DMRT1: variants seen among roughly 807,000 people sequenced by gnomAD.
The protein encoded by DMRT1 is doublesex and mab-3 related transcription factor 1.
A neutral mutation model predicts 32.3 loss-of-function variants in DMRT1; 7 were observed. The ratio of observed to expected loss-of-function variants is 0.22; its 90% CI spans 0.12 to 0.41. DMRT1 has a LOEUF of 0.41. Among genes scored for constraint, DMRT1 ranks in the 10% least tolerant of loss-of-function variants. The probability of loss-of-function intolerance (pLI) is 1.00; values close to 1 mark genes in which losing one functional copy is unlikely to be tolerated. For missense variants in DMRT1, 625 were observed against 500.5 expected, an observed-to-expected ratio of 1.25 and a Z score of -2.37; for synonymous variants, 278 against 206.1, an observed-to-expected ratio of 1.35 and a Z score of -2.99.
At chr9:911,641 T>C (rs550817457) in intron 3 of DMRT1, among the ~76,000 whole-genome samples, 1 of 152,002 alleles carries the variant, frequency 6.6e-6, no homozygotes, top group African/African-American at 2.4e-5. Flanking sequence ...TATAGGCGCC[T>C]GCCACCACAC....
At chr9:880,324 CTT>C (rs1816680778) in intron 2 of DMRT1, among the ~76,000 whole-genome samples, 1 of 146,728 alleles carries the variant, frequency 6.8e-6, no homozygotes, top group Non-Finnish European at 1.5e-5. Flanking sequence ...TCAAGTTACT[CTT>C]TCTTTCTGCT....
Position 945,720 on chromosome 9 carries a change from T to G in DMRT1, c.968-22265T>G, listed in dbSNP as rs10977683. Among the ~76,000 whole-genome samples the G allele has an allele frequency of 6.9e-3, 1,043 of 150,154 alleles. 10 individuals carry two copies. Among genetic ancestry groups the G allele is most frequent in the East Asian group, 0.046 (235 of 5,142 alleles). On this transcript the variant is annotated intron_variant, in intron 4 of 4. Coordinates refer to ENST00000382276, the MANE Select transcript of DMRT1 (RefSeq NM_021951.3). ...TCTCTGTAGTTCCTGATGAGTTGCT[T>G]TTTTAAAAAAAAATACACACTTTTT...
intron 3 of DMRT1, among the ~76,000 whole-genome samples, chr9:907,652 A>T (rs980173388): frequency 6.6e-6 from 1 of 152,192 alleles, no homozygotes; most frequent in Non-Finnish European, 1.5e-5. Context: ...ACAGTAAGAA[A>T]CTGTATTCCA....
intron 2 of DMRT1, among the ~76,000 whole-genome samples, chr9:890,678 T>G (rs1326960442): frequency 6.6e-6 from 1 of 152,152 alleles, no homozygotes; most frequent in East Asian, 1.9e-4. Flanking sequence ...GCCAATTCTG[T>G]CTGCTTAAGG....
Position 842,517 on chromosome 9 carries a change from TG to T in DMRT1, c.354+328del, listed in dbSNP as rs1478140125. 2.6e-5 allele frequency among the ~76,000 whole-genome samples: 4 copies of T among 152,172 alleles called. No homozygotes were observed. In the East Asian group the frequency reaches 7.7e-4, roughly 29 times the overall value. ...TCCCAAAGTGCTGGGATTACAGGCG[TG>T]GGCCACCGCTCCCGGCGGGGCCCGA... On this transcript the variant is annotated intron_variant, in intron 1 of 4. Coordinates refer to ENST00000382276, the MANE Select transcript of DMRT1 (RefSeq NM_021951.3).
chr9:866,514 C>A (rs935066745), intron 2 of DMRT1, among the ~76,000 whole-genome samples: 4 of 80,368 alleles, frequency 5.0e-5, no homozygotes, highest in African/African-American at 1.5e-4. Flanking sequence ...CAGAAGTTTT[C>A]CTTCTTGAAA....
rs1417159844 is a variant in DMRT1 at position 842,001 on chromosome 9, G to A, written c.163G>A (p.Gly55Ser). ...CGCCGGGGGCAGCAGCAGAGGAGGC[G>A]GCTCCGGCTCCGGGGCGTCGGACCT... ...SSAGGSSRGG[G>S]SGSGASDLGA... The change falls in exon 1 of 5, where the codon GGC becomes AGC. Residue 55 changes from glycine to serine, a missense_variant. Transcript: ENST00000382276. 3 of 1,557,544 alleles carry A rather than the reference G, an allele frequency of 1.9e-6. No individual in the cohort carries two copies. The South Asian group carries it at 3.5e-5, about 18-fold the overall frequency.
intron 4 of DMRT1, among the ~76,000 whole-genome samples, chr9:940,307 C>T (rs900661844): frequency 6.6e-6 from 1 of 152,094 alleles, no homozygotes; most frequent in Non-Finnish European, 1.5e-5. Context: ...AGGGTGGAAA[C>T]CCAAGTGCCC....
At chr9:847,681 T>C (rs1367841599) in intron 2 of DMRT1, among the ~76,000 whole-genome samples, 2 of 152,044 alleles carry the variant, frequency 1.3e-5, no homozygotes, top group African/African-American at 2.4e-5. Context: ...AGTTATGGGA[T>C]TGGCCAAGTT....
intron 3 of DMRT1, among the ~76,000 whole-genome samples, chr9:911,450 C>A (rs115466196): frequency 1.2e-4 from 17 of 138,698 alleles, no homozygotes; most frequent in Admixed American, 1.1e-3. Context: ...TTCTGCCATG[C>A]CTTTTTCTGG....
At chr9:919,533 G>A (rs1457121247) in intron 4 of DMRT1, among the ~76,000 whole-genome samples, 1 of 152,118 alleles carries the variant, frequency 6.6e-6, no homozygotes, top group Admixed American at 6.5e-5. Context: ...CCTGAAAAAC[G>A]TTAAGAGGGT....
Position 894,331 on chromosome 9 carries a change from C to T in DMRT1, c.822+136C>T, listed in dbSNP as rs553625142. On this transcript the variant is annotated intron_variant, in intron 3 of 4. Coordinates refer to ENST00000382276, the MANE Select transcript of DMRT1 (RefSeq NM_021951.3). ...CACACAGGTGACACACACAGGTACA[C>T]ACACATATGTGTGTGTGCCATTTTG... is the stretch of plus-strand genomic sequence containing the variant. 2,660 of 926,782 alleles carry T rather than the reference C, an allele frequency of 2.9e-3. 25 individuals carry two copies. Among genetic ancestry groups the T allele is most frequent in the South Asian group, 0.014 (1,052 of 75,776 alleles). The allele number at this position is 926,782 out of a possible 1,614,324, so 57.4% of individuals were successfully genotyped here. A position where few individuals can be genotyped will look rare whatever the true frequency, so the allele number is the denominator to read the frequency against.
chr9:916,032 C>G (rs1257624805), intron 3 of DMRT1, among the ~76,000 whole-genome samples: 2 of 152,166 alleles, frequency 1.3e-5, no homozygotes, highest in African/African-American at 4.8e-5. Context: ...TGCGTCCAGC[C>G]TATAGTCATT....
chr9:852,212 C>T (rs990267286), intron 2 of DMRT1, among the ~76,000 whole-genome samples: 12 of 151,808 alleles, frequency 7.9e-5, no homozygotes, highest in African/African-American at 1.2e-4. Context: ...GCTGGGATTA[C>T]AGGTGTGAGC....
In DMRT1 at chr9:968,353, G is replaced by A. The variant is rs1047802306; in HGVS notation, c.*214G>A. 9 of 558,442 alleles carry A rather than the reference G, an allele frequency of 1.6e-5. No individual in the cohort carries two copies. Among genetic ancestry groups the A allele is most frequent in the South Asian group, 8.3e-5 (4 of 48,274 alleles). 34.6% of individuals were successfully genotyped at this position (558,442 alleles called of 1,614,324 possible). A position where few individuals can be genotyped will look rare whatever the true frequency, so the allele number is the denominator to read the frequency against. ...TGCATGGTTTAAGTGCTTTACTCAC[G>A]GAGTTTAAATAATAGTGTTCATTTT... On this transcript the variant is annotated 3_prime_UTR_variant, in exon 5 of 5. Transcript: ENST00000382276.
intron 1 of DMRT1, among the ~76,000 whole-genome samples, chr9:844,777 G>C (rs1278537135): frequency 7.0e-6 from 1 of 143,688 alleles, no homozygotes; most frequent in Non-Finnish European, 1.5e-5. Flanking sequence ...CTGTAGTGCA[G>C]TGGCATGATT....
At chr9:920,831 A>G (rs183632618) in intron 4 of DMRT1, among the ~76,000 whole-genome samples, 38 of 152,270 alleles carry the variant, frequency 2.5e-4, no homozygotes, top group Non-Finnish European at 3.8e-4. Context: ...AAGGGTCTGC[A>G]GAGTGGGGGC....
At chr9:864,759 C>T (rs1417584666) in intron 2 of DMRT1, among the ~76,000 whole-genome samples, 1 of 152,136 alleles carries the variant, frequency 6.6e-6, no homozygotes, top group African/African-American at 2.4e-5. Context: ...CTCGGCCTCC[C>T]AAAGTGCTGG....
rs113431524 is a variant in DMRT1 at position 905,540 on chromosome 9, G to C, written c.823-11223G>C. Among the ~76,000 whole-genome samples the C allele has an allele frequency of 4.7e-3, 708 of 149,528 alleles. 7 individuals are homozygous for C. The highest frequency in any genetic ancestry group is 0.016 in the African/African-American group (664 of 40,414). On this transcript the variant is annotated intron_variant, in intron 3 of 4. Transcript: ENST00000382276. Reference sequence around the variant, plus strand: ...GCACTGCAGGACATGTCAAACTAAAGTTTATGTACTTAAAATCACCTTTAA... The same window carrying C: ...GCACTGCAGGACATGTCAAACTAAACTTTATGTACTTAAAATCACCTTTAA...
Sources: gnomAD v4.1 joint callset for allele counts (sites outside exome capture counted in the v4.1 genomes callset) on GRCh38, gnomAD v4.1.1 for gene constraint, MANE v1.5 for transcripts, NCBI Gene and HGNC (gene_info 2026-07-23, HGNC 2026-07-21) for gene names.